EVC: variants seen among roughly 807,000 people sequenced by gnomAD.
The protein encoded by EVC is evC complex member EVC.
EVC carries 116 observed loss-of-function variants against 118.9 expected under a neutral mutation model. That is an observed-to-expected ratio of 0.98 (90% confidence interval 0.84 to 1.14). EVC has a LOEUF of 1.14. EVC is among the 50% of genes most tolerant of loss of function. The pLI, the probability that EVC is intolerant of heterozygous loss-of-function variation, is 0.00. For synonymous variants in EVC, 619 were observed against 534.7 expected (o/e 1.16, Z -2.18); for missense variants, 1,401 against 1,246.4 (o/e 1.12, Z -1.87).
At chr4:5,771,065 C>T (rs1458726240) in intron 11 of EVC, among the ~76,000 whole-genome samples, 1 of 151,956 alleles carries the variant, frequency 6.6e-6, no homozygotes, top group African/African-American at 2.4e-5. Flanking sequence ...AATTGTCATT[C>T]TGAAGATGTC....
chr4:5,732,582 G>A (rs1483169916), intron 4 of EVC, among the ~76,000 whole-genome samples: 1 of 152,204 alleles, frequency 6.6e-6, no homozygotes, highest in African/African-American at 2.4e-5. Context: ...CCATGTATCT[G>A]CCCCCGTTGA....
downstream of EVC, among the ~76,000 whole-genome samples, chr4:5,817,294 C>G (rs969823540): frequency 6.6e-6 from 1 of 152,194 alleles, no homozygotes. Flanking sequence ...GCTGGGACCC[C>G]AAGCTACCCA....
At chr4:5,768,222 CT>C (rs939030476) in intron 11 of EVC, among the ~76,000 whole-genome samples, 2 of 152,094 alleles carry the variant, frequency 1.3e-5, no homozygotes, top group Admixed American at 6.6e-5. Flanking sequence ...GTTGCATTTA[CT>C]TCTGAGTGAG....
At chr4:5,765,412 A>G (rs1180189514) in intron 11 of EVC, among the ~76,000 whole-genome samples, 3 of 113,260 alleles carry the variant, frequency 2.6e-5, no homozygotes, top group Non-Finnish European at 5.7e-5. Context: ...GTAGATGTCT[A>G]TTAGGTCTGC....
At chr4:5,825,929 T>TGCATGC in the EVC span, 1 of 492,598 alleles carries the variant, frequency 2.0e-6, no homozygotes, top group Non-Finnish European at 3.6e-6. This position sits in a 1 kb window ranked among gnomAD's most constrained non-coding sequence, Gnocchi z 4.4. Context: ...CGCACTCACA[T>TGCATGC]ACATGCAGTC....
intron 18 of EVC, 134 bp from the exon 19 acceptor site, chr4:5,809,384 G>T: frequency 1.3e-6 from 1 of 764,542 alleles, no homozygotes; most frequent in Non-Finnish European, 2.3e-6. Context: ...GATGTATGTT[G>T]GAAAATTCTC....
In EVC at chr4:5,711,562, G is replaced by A; in HGVS notation, c.174+8G>A. The A allele has an allele frequency of 8.5e-7, 1 of 1,169,910 alleles. No individual in the cohort carries two copies. The highest frequency in any genetic ancestry group is 1.1e-6 in the Non-Finnish European group (1 of 948,230). The allele number at this position is 1,169,910 out of a possible 1,614,324, so 72.5% of individuals were successfully genotyped here. On this transcript the variant is annotated splice_region_variant and intron_variant, in intron 1 of 20. Transcript: ENST00000264956. ...CAGCGCACGCGACACCAGGTGGGTC[G>A]GCCGAGCAGACAGCGGCGGGGCGGG...
intron 1 of EVC, among the ~76,000 whole-genome samples, chr4:5,714,534 G>C (rs994707378): frequency 5.8e-5 from 8 of 137,590 alleles, no homozygotes; most frequent in African/African-American, 1.9e-4. Context: ...AATAGCCGTT[G>C]ACCCTCCACT....
the EVC span, among the ~76,000 whole-genome samples, chr4:5,819,920 G>A: frequency 3.3e-5 from 5 of 152,204 alleles, no homozygotes; most frequent in African/African-American, 1.2e-4. Context: ...AAGCCGAGGA[G>A]CGGGGGAGGA....
Position 5,810,328 on chromosome 4 carries a change from G to C in EVC, c.2783-11G>C. ...CACAGAGCCATGCCTGGGTTCATCT[G>C]TCCTCTACAGAGAAGCCCCTAAGGA... On this transcript the variant is annotated splice_polypyrimidine_tract_variant and intron_variant, in intron 19 of 20. Transcript: ENST00000264956. The C allele has an allele frequency of 6.2e-7, 1 of 1,606,690 alleles. No individual in the cohort carries two copies. The highest frequency in any genetic ancestry group is 8.5e-7 in the Non-Finnish European group (1 of 1,174,684).
At chr4:5,785,949 A>T (rs1237314997) in intron 12 of EVC, among the ~76,000 whole-genome samples, 4 of 152,178 alleles carry the variant, frequency 2.6e-5, no homozygotes, top group Non-Finnish European at 5.9e-5. Context: ...GGTGAGCCTA[A>T]TGGGCCTCTG....
chr4:5,808,443 C>A, intron 18 of EVC, 116 bp downstream of exon 18: 1 of 1,499,846 alleles, frequency 6.7e-7, no homozygotes. Flanking sequence ...CTGCCTGTGG[C>A]ATCGTTGACC....
At chr4:5,748,424 CAG>C (rs1491469246) in intron 8 of EVC, 118 bp downstream of exon 8, 3 of 1,123,724 alleles carry the variant, frequency 2.7e-6, no homozygotes, top group Non-Finnish European at 3.8e-6. Flanking sequence ...TATAGAGCCT[CAG>C]GGAAAAAAAA....
chr4:5,739,327 G>A (rs997620027), intron 5 of EVC, among the ~76,000 whole-genome samples: 9 of 152,184 alleles, frequency 5.9e-5, no homozygotes, highest in Admixed American at 3.3e-4. Flanking sequence ...TTTCTCCTTA[G>A]AGCTCATTGT....
At chr4:5,762,561 C>A (rs1269451161) in intron 11 of EVC, among the ~76,000 whole-genome samples, 4 of 146,768 alleles carry the variant, frequency 2.7e-5, no homozygotes, top group African/African-American at 7.6e-5. Context: ...TCTCCAGCAC[C>A]TGTTGTTTCC....
Position 5,719,111 on chromosome 4 carries a change from C to T in EVC, c.175-137C>T. ...GAGGCGTCACACACAGAAGACCAAG[C>T]TTGAGAAGCACAGAGGCGAGCAGAA... On this transcript the variant is annotated intron_variant, in intron 1 of 20. Coordinates refer to ENST00000264956, the MANE Select transcript of EVC (RefSeq NM_153717.3). This position sits in a 1 kb window ranked among gnomAD's most constrained non-coding sequence, Gnocchi z 4.7. 8.4e-7 allele frequency: 1 copy of T among 1,193,208 alleles called. No homozygotes were observed. The allele number at this position is 1,193,208 out of a possible 1,614,324, so 73.9% of individuals were successfully genotyped here.
intron 12 of EVC, among the ~76,000 whole-genome samples, chr4:5,785,013 C>G (rs999817199): frequency 6.6e-6 from 1 of 152,164 alleles, no homozygotes; most frequent in South Asian, 2.1e-4. Flanking sequence ...CCCCTGCCTT[C>G]GGCCCTCTAG....
At chr4:5,727,130 C>A (rs1475844894) in intron 2 of EVC, among the ~76,000 whole-genome samples, 1 of 152,014 alleles carries the variant, frequency 6.6e-6, no homozygotes, top group Non-Finnish European at 1.5e-5. Context: ...AGTTCTAGAT[C>A]CCTGAGGAAT....
intron 8 of EVC, among the ~76,000 whole-genome samples, chr4:5,750,678 A>G (rs1229431258): frequency 6.6e-6 from 1 of 152,214 alleles, no homozygotes; most frequent in Non-Finnish European, 1.5e-5. Context: ...ACTTGGCAGT[A>G]TGTAAAGTTT....
Sources: gnomAD v4.1 joint callset for allele counts (sites outside exome capture counted in the v4.1 genomes callset) on GRCh38, gnomAD v4.1.1 for gene constraint, Gnocchi (gnomAD v3.1) non-coding constraint, MANE v1.5 for transcripts, NCBI Gene and HGNC (gene_info 2026-07-23, HGNC 2026-07-21) for gene names.